The following NEDD8 variants were observed in gnomAD, a reference collection of about 807,000 sequenced individuals.
The protein encoded by NEDD8 is ubiquitin-like protein NEDD8.
A neutral mutation model predicts 13.8 loss-of-function variants in NEDD8; 1 was observed. The ratio of observed to expected loss-of-function variants is 0.07; its 90% CI spans 0.03 to 0.34. The LOEUF is 0.34. NEDD8 is among the 10% of genes least tolerant of loss of function. The pLI is 0.99. For missense variants in NEDD8, 10 were observed against 95.2 expected (o/e 0.10, Z 3.73); for synonymous variants, 31 against 33.2 (o/e 0.93, Z 0.23).
chr14:24,229,722 T>G (rs1385034675), intron 1 of NEDD8, among the ~76,000 whole-genome samples: 1 of 152,166 alleles, frequency 6.6e-6, no homozygotes, highest in East Asian at 1.9e-4. Context: ...TTAGCATTAG[T>G]AACTTAACTT....
At chr14:24,232,222 G>A (rs200996957) in intron 1 of NEDD8, 28 bp downstream of exon 1, 24 of 1,614,050 alleles carry the variant, frequency 1.5e-5, no homozygotes, top group Middle Eastern at 3.3e-4. Context: ...GTACTACTGC[G>A]TCTTGGCAAG....
In NEDD8 at chr14:24,223,740, T is replaced by A. The variant is rs77190238; in HGVS notation, c.19-5309A>T. ...ATTCTTTTTTGGAAAAAAAAAAAAA[T>A]TTTTTTTTTTTTTGAGGCAAGGTCT... On this transcript the variant is annotated intron_variant, in intron 1 of 3. Transcript: ENST00000250495. 3.2e-3 allele frequency among the ~76,000 whole-genome samples: 357 copies of A among 113,088 alleles called. 1 individual carries two copies. Among genetic ancestry groups the A allele is most frequent in the African/African-American group, 0.02 (336 of 16,578 alleles). The allele number at this position is 113,088 out of a possible 152,430, so 74.2% of individuals were successfully genotyped here.
chr14:24,230,584 T>C (rs1328831090), intron 1 of NEDD8, among the ~76,000 whole-genome samples: 2 of 146,666 alleles, frequency 1.4e-5, no homozygotes, highest in Non-Finnish European at 3.0e-5. Context: ...CCTAGCACTA[T>C]ATTATTTCCT....
intron 1 of NEDD8, chr14:24,227,697 G>A (rs1024258061): frequency 1.3e-5 from 2 of 152,168 alleles, no homozygotes; most frequent in Admixed American, 1.3e-4. Flanking sequence ...TTTAATTTTA[G>A]AACCATAGAG....
intron 3 of NEDD8, among the ~76,000 whole-genome samples, chr14:24,217,515 C>G (rs2039729385): frequency 6.6e-6 from 1 of 152,152 alleles, no homozygotes; most frequent in Non-Finnish European, 1.5e-5. Flanking sequence ...GTCTCGAACT[C>G]CTGACCTCAG....
rs527238839 is a variant in NEDD8 at position 24,226,838 on chromosome 14, T to C, written c.18+5412A>G. On this transcript the variant is annotated intron_variant, in intron 1 of 3. Transcript: ENST00000250495. ...ACCTAGTAATTTCATTCTTAGGTAT[T>C]TATCCAAAGGAAATAAAAACATATG... 1.3e-5 allele frequency: 2 copies of C among 152,328 alleles called. 1 individual carries two copies. Among genetic ancestry groups the C allele is most frequent in the African/African-American group, 4.8e-5 (2 of 41,576 alleles). 9.4% of individuals were successfully genotyped at this position (152,328 alleles called of 1,614,324 possible).
chr14:24,219,594 T>C (rs2039767760), intron 1 of NEDD8, among the ~76,000 whole-genome samples: 1 of 151,648 alleles, frequency 6.6e-6, no homozygotes, highest in Non-Finnish European at 1.5e-5. Context: ...AAATTGCAGC[T>C]CTTGTCTTCT....
At chr14:24,229,893 A>C (rs1265372751) in intron 1 of NEDD8, among the ~76,000 whole-genome samples, 2 of 152,036 alleles carry the variant, frequency 1.3e-5, no homozygotes, top group Non-Finnish European at 2.9e-5. Flanking sequence ...CAACCTGGTG[A>C]AACCCCGTTT....
At chr14:24,223,568 A>C (rs929273021) in intron 1 of NEDD8, among the ~76,000 whole-genome samples, 3 of 151,712 alleles carry the variant, frequency 2.0e-5, no homozygotes, top group Non-Finnish European at 4.4e-5. Context: ...TATTTATTTG[A>C]GATGGAGTCT....
intron 1 of NEDD8, among the ~76,000 whole-genome samples, chr14:24,226,363 C>T (rs763384448): frequency 2.5e-4 from 36 of 146,368 alleles, no homozygotes; most frequent in Admixed American, 6.9e-4. Context: ...GCATGGTGGA[C>T]GCTTGAACGA....
chr14:24,230,298 GC>G (rs1184279895), intron 1 of NEDD8, among the ~76,000 whole-genome samples: 1 of 148,014 alleles, frequency 6.8e-6, no homozygotes, highest in Non-Finnish European at 1.5e-5. Flanking sequence ...ACTTTGGGAG[GC>G]AGAGGCGGGC....
At position 24,232,365 on chromosome 14, in the gene NEDD8, T is replaced by C. The variant is rs2040064946; in HGVS notation, c.-98A>G. 1 of 1,253,972 alleles carries C rather than the reference T, an allele frequency of 8.0e-7. No individual in the cohort carries two copies. The highest frequency in any genetic ancestry group is 1.3e-5 in the South Asian group (1 of 79,118). The allele number at this position is 1,253,972 out of a possible 1,614,324, so 77.7% of individuals were successfully genotyped here. On this transcript the variant is annotated 5_prime_UTR_variant, in exon 1 of 4. Transcript: ENST00000250495. ...AGCACTCTTGCCTGCAAGGGCCACT[T>C]CTACTTCCGGGTCACTGTCTGGCTC...
At chr14:24,230,796 T>G (rs1403889569) in intron 1 of NEDD8, among the ~76,000 whole-genome samples, 1 of 151,936 alleles carries the variant, frequency 6.6e-6, no homozygotes, top group East Asian at 2.0e-4. Context: ...TTTTGTATTG[T>G]TAGTAGAGGC....
chr14:24,229,931 C>T (rs565064136), intron 1 of NEDD8, among the ~76,000 whole-genome samples: 1 of 151,850 alleles, frequency 6.6e-6, no homozygotes, highest in East Asian at 2.0e-4. Context: ...ATTAGCTGGG[C>T]GTGGTGGCAC....
chr14:24,222,973 C>G (rs1006350194), intron 1 of NEDD8, among the ~76,000 whole-genome samples: 7 of 150,294 alleles, frequency 4.7e-5, no homozygotes, highest in African/African-American at 1.7e-4. Flanking sequence ...GTAGTCCCAG[C>G]TACTGGGGAG....
intron 1 of NEDD8, among the ~76,000 whole-genome samples, chr14:24,219,256 G>A (rs1204267244): frequency 1.3e-5 from 2 of 151,380 alleles, no homozygotes; most frequent in Non-Finnish European, 2.9e-5. Flanking sequence ...GAGCCTAGGA[G>A]TTCCAGACCA....
At chr14:24,223,938 A>T (rs1383828478) in intron 1 of NEDD8, among the ~76,000 whole-genome samples, 2 of 149,982 alleles carry the variant, frequency 1.3e-5, no homozygotes, top group South Asian at 4.2e-4. Context: ...TTTTATTTTT[A>T]TTTTTTTGAG....
chr14:24,226,618 G>A (rs1384187355), intron 1 of NEDD8: 3 of 152,054 alleles, frequency 2.0e-5, no homozygotes, highest in Non-Finnish European at 4.4e-5. Context: ...ACTAGATATA[G>A]TGTTTTAATT....
At chr14:24,225,518 TA>T (rs1313713306) in intron 1 of NEDD8, among the ~76,000 whole-genome samples, 3 of 152,268 alleles carry the variant, frequency 2.0e-5, no homozygotes, top group Non-Finnish European at 2.9e-5. Context: ...GAATTTGCTT[TA>T]AAAAAATCAG....
Sources: gnomAD v4.1 joint callset for allele counts (sites outside exome capture counted in the v4.1 genomes callset) on GRCh38, gnomAD v4.1.1 for gene constraint, MANE v1.5 for transcripts, NCBI Gene and HGNC (gene_info 2026-07-23, HGNC 2026-07-21) for gene names.